MED12L: variants seen among roughly 807,000 people sequenced by gnomAD.
The protein encoded by MED12L is mediator complex subunit 12L, also known as mediator of RNA polymerase II transcription subunit 12-like protein.
In MED12L, 60 loss-of-function variants were observed where a neutral mutation model predicts 281.3. The observed-to-expected ratio is 0.21, with a 90% CI of 0.17 to 0.26. The LOEUF is 0.26. Ranked by LOEUF, MED12L falls within the 10% of genes least tolerant of loss-of-function variation. MED12L has a pLI of 1.00. For synonymous variants in MED12L, 974 were observed against 987.2 expected (o/e 0.99, Z 0.25); for missense variants, 2,146 against 2,680.9 (o/e 0.80, Z 4.41).
chr3:151,122,644 A>G, intron 3 of MED12L, 139 bp from the exon 4 acceptor site: 1 of 597,838 alleles, frequency 1.7e-6, no homozygotes, highest in Admixed American at 3.6e-5. Flanking sequence ...CTTGGCTTCA[A>G]AGACTTAAAT....
chr3:151,205,894 T>G (rs1010005915), intron 16 of MED12L, among the ~76,000 whole-genome samples: 3 of 152,060 alleles, frequency 2.0e-5, no homozygotes, highest in Admixed American at 2.0e-4. Context: ...CCACTGTTCT[T>G]GCCTTCCTCA....
chr3:151,261,138 T>C (rs1159153151), intron 16 of MED12L, among the ~76,000 whole-genome samples: 1 of 151,994 alleles, frequency 6.6e-6, no homozygotes, highest in African/African-American at 2.4e-5. Flanking sequence ...TAAGAGGGGG[T>C]GCAATTTTAT....
chr3:151,331,703 A>G (rs148573097), intron 16 of MED12L, among the ~76,000 whole-genome samples: 12 of 152,366 alleles, frequency 7.9e-5, no homozygotes, highest in Non-Finnish European at 1.6e-4. Flanking sequence ...TTAAGATCCT[A>G]TAGGGCTCTA....
At chr3:151,381,414 C>T (rs964523299) in intron 32 of MED12L, among the ~76,000 whole-genome samples, 1 of 152,204 alleles carries the variant, frequency 6.6e-6, no homozygotes, top group Non-Finnish European at 1.5e-5. Flanking sequence ...CATGATTTGA[C>T]ACTGGCTCTC....
At chr3:151,308,354 G>T (rs568939314) in intron 16 of MED12L, among the ~76,000 whole-genome samples, 3 of 152,076 alleles carry the variant, frequency 2.0e-5, no homozygotes, top group Non-Finnish European at 4.4e-5. Flanking sequence ...ACTTACTGAG[G>T]TGAAACATGT....
intron 16 of MED12L, among the ~76,000 whole-genome samples, chr3:151,284,650 C>T (rs1743231839): frequency 6.6e-6 from 1 of 152,042 alleles, no homozygotes. Context: ...CCCTTGTTGC[C>T]CAGGCTGGAG....
chr3:151,357,079 A>C, intron 19 of MED12L, 134 bp from the exon 20 acceptor site: 1 of 778,068 alleles, frequency 1.3e-6, no homozygotes, highest in Non-Finnish European at 2.0e-6. Context: ...AAGGATTAAA[A>C]ATTTTAAAAA....
chr3:151,369,441 C>A lies in MED12L; in HGVS notation c.3556C>A (p.Pro1186Thr). 6.3e-7 allele frequency: 1 copy of A among 1,599,704 alleles called. No individual in the cohort carries two copies. Among genetic ancestry groups the A allele is most frequent in the Non-Finnish European group, 8.5e-7 (1 of 1,172,748 alleles). The change falls in exon 26 of 45, where the codon CCT becomes ACT. Residue 1186 changes from proline to threonine, a missense_variant. Physicochemically the swap from Pro to Thr is conservative, Grantham distance 38. This residue lies in a region of MED12L where 404 missense variants were observed against 603.5 expected (regional missense o/e 0.67). Coordinates refer to ENST00000687756, the MANE Select transcript of MED12L (RefSeq NM_001393769.1). ...ACFLPQATGK[P>T]FPGIRSSCDR... ...AAGATTTGTTGTTTTTGTAGGCAAA[C>A]CTTTCCCTGGAATAAGATCATCTTG...
In MED12L at chr3:151,416,303, T is replaced by C; in HGVS notation, c.6298-9T>C. On this transcript the variant is annotated splice_polypyrimidine_tract_variant and intron_variant, in intron 42 of 44. Coordinates refer to ENST00000687756, the MANE Select transcript of MED12L (RefSeq NM_001393769.1). ...TTTTAAGTGTATAACATTTTTACCC[T>C]CTTTCCAGATGCAGCAGCCCCAGCA... 1 of 1,612,852 alleles carries C rather than the reference T, an allele frequency of 6.2e-7. No individual in the cohort carries two copies. Among genetic ancestry groups the C allele is most frequent in the Non-Finnish European group, 8.5e-7 (1 of 1,179,916 alleles).
intron 11 of MED12L, among the ~76,000 whole-genome samples, chr3:151,184,554 G>T (rs181524616): frequency 2.0e-5 from 3 of 152,264 alleles, no homozygotes; most frequent in African/African-American, 7.2e-5. Context: ...AGATCACACG[G>T]AAGTACCATC....
At chr3:151,366,470 G>GT (rs1298846973) in intron 23 of MED12L, among the ~76,000 whole-genome samples, 1 of 152,144 alleles carries the variant, frequency 6.6e-6, no homozygotes, top group Non-Finnish European at 1.5e-5. Context: ...GATGTCCGGT[G>GT]TTTTTTGGCA....
intron 16 of MED12L, among the ~76,000 whole-genome samples, chr3:151,208,006 T>C (rs1726606039): frequency 6.6e-6 from 1 of 152,230 alleles, no homozygotes; most frequent in Admixed American, 6.5e-5. Context: ...TTCTCAGAGC[T>C]TTATCTGTCA....
At position 151,268,011 on chromosome 3, in the gene MED12L, T is replaced by A. The variant is rs547103830; in HGVS notation, c.2250+74345T>A. ...ATGGACAAGGGTAATTTTTGCTCTT[T>A]TTAGTCTTATGCGTTCTTAGTAAAG... On this transcript the variant is annotated intron_variant, in intron 16 of 44. Coordinates refer to ENST00000687756, the MANE Select transcript of MED12L (RefSeq NM_001393769.1). Among the ~76,000 whole-genome samples, 21 of 152,314 alleles carry A rather than the reference T, an allele frequency of 1.4e-4. No individual in the cohort carries two copies. In the South Asian group the frequency reaches 4.4e-3, roughly 32 times the overall value.
At chr3:151,164,696 G>T (rs1720451541) in intron 9 of MED12L, among the ~76,000 whole-genome samples, 1 of 152,136 alleles carries the variant, frequency 6.6e-6, no homozygotes, top group Non-Finnish European at 1.5e-5. Flanking sequence ...CATGTCCTTT[G>T]TAGGGACATG....
chr3:151,323,367 A>C (rs144551425), intron 16 of MED12L, among the ~76,000 whole-genome samples: 402 of 152,244 alleles, frequency 2.6e-3, no homozygotes, highest in African/African-American at 9.1e-3. Context: ...GTGGTTCTTC[A>C]CCTTAGAAAC....
chr3:151,328,306 G>T, intron 16 of MED12L: 1 of 1,613,750 alleles, frequency 6.2e-7, no homozygotes, highest in Non-Finnish European at 8.5e-7. Flanking sequence ...CCAGCTTTTT[G>T]TTGTTTTTTC....
intron 16 of MED12L, among the ~76,000 whole-genome samples, chr3:151,235,359 T>C (rs1358231387): frequency 6.6e-6 from 1 of 152,118 alleles, no homozygotes; most frequent in Non-Finnish European, 1.5e-5. Context: ...AATGTTCAGG[T>C]GAATGTGAAT....
At chr3:151,352,194 C>G (rs1276320493) in intron 17 of MED12L, among the ~76,000 whole-genome samples, 2 of 152,150 alleles carry the variant, frequency 1.3e-5, no homozygotes, top group African/African-American at 2.4e-5. Context: ...TGTGTGTCTA[C>G]ATTTTGACTG....
At chr3:151,420,511 C>T (rs1718117216) in intron 43 of MED12L, among the ~76,000 whole-genome samples, 1 of 152,154 alleles carries the variant, frequency 6.6e-6, no homozygotes, top group Admixed American at 6.5e-5. Context: ...TCCACTTCTA[C>T]CCCTTGATTC....
Sources: gnomAD v4.1 joint callset for allele counts (sites outside exome capture counted in the v4.1 genomes callset) on GRCh38, gnomAD v4.1.1 for gene constraint, gnomAD v4.1.1 regional missense constraint, MANE v1.5 for transcripts, NCBI Gene and HGNC (gene_info 2026-07-23, HGNC 2026-07-21) for gene names.